NACC2: variants seen among roughly 807,000 people sequenced by gnomAD.
NACC2 encodes the protein nucleus accumbens-associated protein 2.
A neutral mutation model predicts 25.1 loss-of-function variants in NACC2; 8 were observed. The ratio of observed to expected loss-of-function variants is 0.32; its 90% CI spans 0.19 to 0.57. The LOEUF (loss-of-function observed/expected upper bound fraction) is 0.57. Among genes scored for constraint, NACC2 ranks in the 20% least tolerant of loss-of-function variants. NACC2 has a pLI of 0.89. For synonymous variants in NACC2, 435 were observed against 294.7 expected (o/e 1.48, Z -4.88); for missense variants, 644 against 650.2 (o/e 0.99, Z 0.10).
intron 1 of NACC2, among the ~76,000 whole-genome samples, chr9:136,072,034 T>G (rs1280164277): frequency 6.6e-6 from 1 of 151,742 alleles, no homozygotes; most frequent in Non-Finnish European, 1.5e-5. Context: ...GGTCAGGAGT[T>G]TGAGACCAGC....
At chr9:136,093,723 G>T (rs546619748) in intron 1 of NACC2, among the ~76,000 whole-genome samples, 1 of 151,758 alleles carries the variant, frequency 6.6e-6, no homozygotes, top group East Asian at 1.9e-4. Context: ...ACGCCAAGAG[G>T]CCTCTTTAAG....
intron 2 of NACC2, among the ~76,000 whole-genome samples, chr9:136,033,951 G>C (rs1395943195): frequency 6.8e-6 from 1 of 146,062 alleles, no homozygotes; most frequent in East Asian, 2.1e-4. Flanking sequence ...GAGATATTTG[G>C]CAATCTACTT....
chr9:136,087,492 C>G (rs1162987193), intron 1 of NACC2, among the ~76,000 whole-genome samples: 4 of 152,348 alleles, frequency 2.6e-5, no homozygotes, highest in Admixed American at 2.6e-4. Flanking sequence ...GGGCCAGCCC[C>G]ACTGGAAGGG....
intron 1 of NACC2, among the ~76,000 whole-genome samples, chr9:136,063,870 C>T (rs1445750394): frequency 1.4e-5 from 2 of 140,508 alleles, no homozygotes; most frequent in South Asian, 2.3e-4. Context: ...GGAAACAGAG[C>T]GAGACTCCAT....
At chr9:136,071,745 G>A (rs1275138998) in intron 1 of NACC2, among the ~76,000 whole-genome samples, 1 of 151,988 alleles carries the variant, frequency 6.6e-6, no homozygotes, top group African/African-American at 2.4e-5. Context: ...TGGACAGAGG[G>A]ACAGACATAT....
intron 1 of NACC2, among the ~76,000 whole-genome samples, chr9:136,052,417 T>G (rs1406611811): frequency 5.5e-4 from 20 of 36,164 alleles, no homozygotes; most frequent in East Asian, 1.8e-3. Context: ...CCAGCGAGGG[T>G]GGGGAATGGG....
At chr9:136,042,224 G>A (rs1427446592) in intron 2 of NACC2, among the ~76,000 whole-genome samples, 7 of 152,170 alleles carry the variant, frequency 4.6e-5, no homozygotes, top group African/African-American at 1.7e-4. Flanking sequence ...CTGACCTCAG[G>A]TGATCCACCC....
intron 2 of NACC2, among the ~76,000 whole-genome samples, chr9:136,030,472 T>C (rs1005905612): frequency 2.0e-5 from 3 of 151,654 alleles, no homozygotes; most frequent in African/African-American, 7.3e-5. Flanking sequence ...TAGCCAGGCA[T>C]GGTGGCAGGC....
chr9:136,011,395 A>C lies in NACC2; in HGVS notation c.*121T>G. 9.1e-7 allele frequency: 1 copy of C among 1,097,474 alleles called. No homozygotes were observed. Among genetic ancestry groups the C allele is most frequent in the Non-Finnish European group, 1.2e-6 (1 of 844,822 alleles). 68.0% of individuals were successfully genotyped at this position (1,097,474 alleles called of 1,614,324 possible). A position where few individuals can be genotyped will look rare whatever the true frequency, so the allele number is the denominator to read the frequency against. ...TTTAAATACAAGCAGAATAAAAATC[A>C]CATTTTTCTCAGGCAACAGTAGCAG... On this transcript the variant is annotated 3_prime_UTR_variant, in exon 6 of 6. Transcript: ENST00000277554.
At chr9:136,037,229 G>T (rs1840567117) in intron 2 of NACC2, among the ~76,000 whole-genome samples, 1 of 152,086 alleles carries the variant, frequency 6.6e-6, no homozygotes, top group Non-Finnish European at 1.5e-5. Flanking sequence ...TTTATATAAA[G>T]TTTTTTCTTT....
At chr9:136,081,908 C>T (rs1830328291) in intron 1 of NACC2, among the ~76,000 whole-genome samples, 1 of 151,998 alleles carries the variant, frequency 6.6e-6, no homozygotes, top group African/African-American at 2.4e-5. Context: ...TTCTCGCAGT[C>T]CAGCCCACCT....
rs1735064252 is a variant in NACC2, at chr9:136,020,296, T to A, written c.887-3867A>T. Among the ~76,000 whole-genome samples the A allele has an allele frequency of 6.6e-6, 1 of 152,072 alleles. No individual in the cohort carries two copies. The highest frequency in any genetic ancestry group is 2.1e-4 in the South Asian group (1 of 4,828). ...TCAACTCCCTGGGTTACTGATTGGG[T>A]TCTGAGGTGCTCCACGTCCTCACCA... is the stretch of plus-strand genomic sequence containing the variant. On this transcript the variant is annotated intron_variant, in intron 2 of 5. Transcript: ENST00000277554. This position sits in a 1 kb window ranked among gnomAD's most constrained non-coding sequence, Gnocchi z 4.7.
intron 1 of NACC2, among the ~76,000 whole-genome samples, chr9:136,080,975 C>T (rs1046091035): frequency 2.0e-5 from 3 of 152,224 alleles, no homozygotes; most frequent in Non-Finnish European, 4.4e-5. Context: ...GCCCCTCCCG[C>T]TGTCTCCCAC....
intron 1 of NACC2, among the ~76,000 whole-genome samples, chr9:136,056,326 C>T (rs530721919): frequency 3.0e-4 from 45 of 149,100 alleles, no homozygotes; most frequent in African/African-American, 9.0e-4. Context: ...GGGCCCTCGG[C>T]GGCCAGGAAC....
At chr9:136,089,676 G>A (rs1283928510) in intron 1 of NACC2, among the ~76,000 whole-genome samples, 2 of 151,560 alleles carry the variant, frequency 1.3e-5, no homozygotes, top group African/African-American at 2.4e-5. Context: ...TTCAGAATGG[G>A]GGACCCCAGC....
chr9:136,057,848 CA>C (rs1840948731), intron 1 of NACC2, among the ~76,000 whole-genome samples: 2 of 152,224 alleles, frequency 1.3e-5, no homozygotes, highest in Non-Finnish European at 2.9e-5. Context: ...GGTCGGATCC[CA>C]GGCACCGACA....
At chr9:136,047,294 T>C (rs1248205038) in intron 2 of NACC2, among the ~76,000 whole-genome samples, 1 of 152,020 alleles carries the variant, frequency 6.6e-6, no homozygotes, top group Non-Finnish European at 1.5e-5. Flanking sequence ...GCTCCCCCCA[T>C]GGCACCGCCA....
chr9:136,014,758 C>T (rs760323209), intron 3 of NACC2, among the ~76,000 whole-genome samples: 5 of 152,200 alleles, frequency 3.3e-5, no homozygotes, highest in Non-Finnish European at 7.3e-5. Context: ...CAGTGCTGAC[C>T]TCCTCTGGGT....
At position 136,028,887 on chromosome 9, in the gene NACC2, G is replaced by A. The variant is rs528352433; in HGVS notation, c.887-12458C>T. Reference sequence around the variant, plus strand: ...TCATGACCTGGCCAGGTGTATGTGCGCTCAGGGCAGTGCTGACATGCCAGG... The same window carrying A: ...TCATGACCTGGCCAGGTGTATGTGCACTCAGGGCAGTGCTGACATGCCAGG... On this transcript the variant is annotated intron_variant, in intron 2 of 5. Coordinates refer to ENST00000277554, the MANE Select transcript of NACC2 (RefSeq NM_144653.5). Among the ~76,000 whole-genome samples, 405 of 152,334 alleles carry A rather than the reference G, an allele frequency of 2.7e-3. 3 individuals carry two copies. Among genetic ancestry groups the A allele is most frequent in the African/African-American group, 9.0e-3 (374 of 41,580 alleles).
Sources: gnomAD v4.1 joint callset for allele counts (sites outside exome capture counted in the v4.1 genomes callset) on GRCh38, gnomAD v4.1.1 for gene constraint, Gnocchi (gnomAD v3.1) non-coding constraint, MANE v1.5 for transcripts, NCBI Gene and HGNC (gene_info 2026-07-23, HGNC 2026-07-21) for gene names.